PRICKLE2: variants seen among roughly 807,000 people sequenced by gnomAD.
PRICKLE2 encodes prickle planar cell polarity protein 2, also known as prickle-like protein 2.
Under a neutral mutation model 81.4 loss-of-function variants are expected in PRICKLE2, and 21 were observed. The ratio of observed to expected loss-of-function variants is 0.26; its 90% CI spans 0.18 to 0.37. The LOEUF (loss-of-function observed/expected upper bound fraction) is 0.37, where lower values mean the gene tolerates loss of function less well. Ranked by LOEUF, PRICKLE2 falls within the 10% of genes least tolerant of loss-of-function variation. PRICKLE2 has a pLI of 1.00. For synonymous variants in PRICKLE2, 456 were observed against 421.5 expected (o/e 1.08, Z -1.00); for missense variants, 940 against 1,109.0 (o/e 0.85, Z 2.16).
chr3:64,186,113 C>T (rs1318106251), intron 2 of PRICKLE2, among the ~76,000 whole-genome samples: 1 of 152,156 alleles, frequency 6.6e-6, no homozygotes, highest in East Asian at 1.9e-4. Context: ...ACAGTTCATT[C>T]ACTTTTATTG....
intron 2 of PRICKLE2, among the ~76,000 whole-genome samples, chr3:64,240,059 G>A (rs931061201): frequency 6.6e-6 from 1 of 151,940 alleles, no homozygotes; most frequent in South Asian, 2.1e-4. Context: ...GGAGGTCGAG[G>A]CTGCAGGGAG....
At chr3:64,160,123 T>G (rs779513934) in intron 3 of PRICKLE2, 46 bp from the exon 4 acceptor site, 1 of 1,603,030 alleles carries the variant, frequency 6.2e-7, no homozygotes, top group Non-Finnish European at 8.5e-7. Context: ...CCCTTGCTCC[T>G]TAAGATTTCT....
At chr3:64,105,415 A>G (rs533827839) in intron 7 of PRICKLE2, among the ~76,000 whole-genome samples, 1 of 152,314 alleles carries the variant, frequency 6.6e-6, no homozygotes, top group East Asian at 1.9e-4. Context: ...TTTGGTGCTC[A>G]ATACATACTC....
At chr3:64,196,181 G>C (rs2078449868) in intron 2 of PRICKLE2, among the ~76,000 whole-genome samples, 1 of 152,172 alleles carries the variant, frequency 6.6e-6, no homozygotes, top group African/African-American at 2.4e-5. Flanking sequence ...GGGTCAATAT[G>C]AGTAGAACGT....
chr3:64,259,065 C>T (rs1312744387), intron 2 of PRICKLE2, among the ~76,000 whole-genome samples: 1 of 152,040 alleles, frequency 6.6e-6, no homozygotes, highest in East Asian at 1.9e-4. Context: ...ATATATTACA[C>T]TTCAGTGAAA....
intron 2 of PRICKLE2, among the ~76,000 whole-genome samples, chr3:64,258,840 AAAAAAAAAGAAAGAAAGAAAG>A (rs2079568042): frequency 7.3e-6 from 1 of 137,294 alleles, no homozygotes; most frequent in African/African-American, 2.9e-5. Context: ...AAAAAAAAAA[AAAAAAAAAGAAAGAAAGAAAG>A]AAAGAAAGAA....
intron 2 of PRICKLE2, among the ~76,000 whole-genome samples, chr3:64,184,149 C>A (rs1413753132): frequency 6.6e-6 from 1 of 152,116 alleles, no homozygotes; most frequent in Non-Finnish European, 1.5e-5. Flanking sequence ...ATAGGCCTTA[C>A]CAAGAAAAGT....
At chr3:64,144,038 T>C (rs1410852359) in intron 7 of PRICKLE2, among the ~76,000 whole-genome samples, 2 of 152,024 alleles carry the variant, frequency 1.3e-5, no homozygotes, top group Non-Finnish European at 2.9e-5. Flanking sequence ...TGTGGATGTA[T>C]TTGAGGAGGA....
rs535306367 is a variant in PRICKLE2, at chr3:64,110,833, C to T, written c.1661-10908G>A. 6.6e-5 allele frequency among the ~76,000 whole-genome samples: 10 copies of T among 151,908 alleles called. No individual in the cohort carries two copies. The East Asian group carries it at 7.8e-4, about 12-fold the overall frequency. Reference sequence around the variant, plus strand: ...AGCCACACGGAGGTTCTTCCTAGTCCACTCTGGGTTTTAAAAGTGTCGGGA... The same window carrying T: ...AGCCACACGGAGGTTCTTCCTAGTCTACTCTGGGTTTTAAAAGTGTCGGGA... On this transcript the variant is annotated intron_variant, in intron 7 of 7. Coordinates refer to ENST00000638394, the MANE Select transcript of PRICKLE2 (RefSeq NM_198859.4).
At chr3:64,187,958 A>G (rs1469132190) in intron 2 of PRICKLE2, among the ~76,000 whole-genome samples, 1 of 152,214 alleles carries the variant, frequency 6.6e-6, no homozygotes, top group Non-Finnish European at 1.5e-5. Context: ...AACAGGGCCA[A>G]TGAAAGACTT....
rs1393903893 is a variant in PRICKLE2 at position 64,258,346 on chromosome 3, A to G, written c.129-59379T>C. Among the ~76,000 whole-genome samples, 3 of 152,200 alleles carry G rather than the reference A, an allele frequency of 2.0e-5. 1 individual carries two copies. The highest frequency in any genetic ancestry group is 1.3e-4 in the Admixed American group (2 of 15,286). ...CTCCCAGCAACAATTGAATGAATAT[A>G]TTTTGATCTATTTAACAATGGAACC... On this transcript the variant is annotated intron_variant, in intron 2 of 8. Coordinates refer to the PRICKLE2 transcript ENST00000295902.
intron 7 of PRICKLE2, among the ~76,000 whole-genome samples, chr3:64,119,601 G>A (rs2076994103): frequency 1.3e-5 from 2 of 152,112 alleles, no homozygotes; most frequent in African/African-American, 2.4e-5. Context: ...ACTTATGTAC[G>A]ATTGGTGCAA....
intron 1 of PRICKLE2, among the ~76,000 whole-genome samples, chr3:64,223,293 C>A (rs1211403087): frequency 6.6e-6 from 1 of 152,278 alleles, no homozygotes; most frequent in East Asian, 1.9e-4. Flanking sequence ...CTCATTAAAT[C>A]CTTACACCTA....
At chr3:64,246,549 G>A (rs2079357598) in intron 2 of PRICKLE2, among the ~76,000 whole-genome samples, 1 of 152,172 alleles carries the variant, frequency 6.6e-6, no homozygotes, top group African/African-American at 2.4e-5. Context: ...ACTTTAATGT[G>A]CAACAGAATC....
At position 64,145,295 on chromosome 3, in the gene PRICKLE2, ATATAT is replaced by A. The variant is rs1208733359; in HGVS notation, c.1660+1530_1660+1534del. ...ATATATATATATATAATATATTTGT[ATATAT>A]TATATCATATATATTTATATATTAT... On this transcript the variant is annotated intron_variant, in intron 7 of 7. Transcript: ENST00000638394. The A allele has an allele frequency of 2.1e-5, 3 of 146,244 alleles. No individual in the cohort carries two copies. The East Asian group carries it at 5.9e-4, about 29-fold the overall frequency. 9.1% of individuals were successfully genotyped at this position (146,244 alleles called of 1,614,324 possible).
At chr3:64,219,458 C>T (rs1011151383) in intron 1 of PRICKLE2, among the ~76,000 whole-genome samples, 6 of 152,318 alleles carry the variant, frequency 3.9e-5, no homozygotes, top group South Asian at 2.1e-4. Context: ...CCTATGTTCC[C>T]TGTAGTCCAG....
At position 64,151,471 on chromosome 3, in the gene PRICKLE2, G is replaced by T. The variant is rs566980357; in HGVS notation, c.787+1711C>A. ...CTGAGGTGTACATGCTGCAGCAACA[G>T]AGAGATTTTTTCTCTCTGCCAAGTA... On this transcript the variant is annotated intron_variant, in intron 6 of 7. Transcript: ENST00000638394. Among the ~76,000 whole-genome samples, 185 of 152,308 alleles carry T rather than the reference G, an allele frequency of 1.2e-3. 1 individual carries two copies. Among genetic ancestry groups the T allele is most frequent in the Non-Finnish European group, 2.4e-4 (16 of 68,022 alleles).
Position 64,202,691 on chromosome 3 carries a change from A to C in PRICKLE2, c.-40-3724T>G, listed in dbSNP as rs960753542. On this transcript the variant is annotated intron_variant, in intron 1 of 7. Coordinates refer to ENST00000638394, the MANE Select transcript of PRICKLE2 (RefSeq NM_198859.4). ...GTGTGTGTATTCTTTAGAATTTTCT[A>C]TATATAAGACCATATCATGTGCAAA... Among the ~76,000 whole-genome samples, 5 of 147,266 alleles carry C rather than the reference A, an allele frequency of 3.4e-5. No individual in the cohort carries two copies. The East Asian group carries it at 1.1e-3, about 32-fold the overall frequency.
intron 6 of PRICKLE2, among the ~76,000 whole-genome samples, chr3:64,151,217 T>G (rs2077542122): frequency 6.6e-6 from 1 of 152,248 alleles, no homozygotes; most frequent in South Asian, 2.1e-4. Context: ...TAGAGTGTGC[T>G]CTTTCACTGT....
Sources: allele counts gnomAD v4.1 joint callset (sites outside exome capture counted in the v4.1 genomes callset), GRCh38; gene constraint gnomAD v4.1.1; transcripts MANE v1.5; gene names NCBI Gene and HGNC (gene_info 2026-07-23, HGNC 2026-07-21).